Variants in NEGR1 observed in about 807,000 individuals in gnomAD.
The protein encoded by NEGR1 is IgLON family member 4.
NEGR1 carries 10 observed loss-of-function variants against 40.9 expected under a neutral mutation model. The ratio of observed to expected loss-of-function variants is 0.24; its 90% confidence interval spans 0.15 to 0.42. NEGR1 has a LOEUF of 0.42. Ranked by LOEUF, NEGR1 falls within the 10% of genes least tolerant of loss-of-function variation. NEGR1 has a pLI of 1.00. For synonymous variants in NEGR1, 185 were observed against 166.8 expected, an observed-to-expected ratio of 1.11 and a Z score of -0.84; for missense variants, 352 against 438.9, an observed-to-expected ratio of 0.80 and a Z score of 1.77.
intron 1 of NEGR1, among the ~76,000 whole-genome samples, chr1:72,031,957 G>C (rs1341374328): frequency 6.6e-6 from 1 of 152,158 alleles, no homozygotes; most frequent in East Asian, 1.9e-4. Flanking sequence ...AATCTCCACA[G>C]CCTAGTGAGG....
At chr1:72,123,369 A>G (rs1183832840) in intron 1 of NEGR1, among the ~76,000 whole-genome samples, 1 of 151,888 alleles carries the variant, frequency 6.6e-6, no homozygotes, top group African/African-American at 2.4e-5. Context: ...TCCCTGTAGG[A>G]GCACATGAGC....
chr1:71,871,299 T>C (rs1448979382), intron 2 of NEGR1, among the ~76,000 whole-genome samples: 1 of 152,158 alleles, frequency 6.6e-6, no homozygotes, highest in Non-Finnish European at 1.5e-5. Flanking sequence ...TTTTGGAAAG[T>C]CTCATCTCTG....
At chr1:72,103,056 CT>C (rs1441619727) in intron 1 of NEGR1, among the ~76,000 whole-genome samples, 1 of 152,024 alleles carries the variant, frequency 6.6e-6, no homozygotes, top group Non-Finnish European at 1.5e-5. Flanking sequence ...ATTTGTCACT[CT>C]GTTTTTATTT....
chr1:71,947,536 A>T (rs1646032459), intron 1 of NEGR1, among the ~76,000 whole-genome samples: 1 of 152,204 alleles, frequency 6.6e-6, no homozygotes, highest in East Asian at 1.9e-4. Context: ...CTGTAGATGT[A>T]TAGAAAGCAA....
At chr1:71,461,983 C>T (rs1263457703) in intron 6 of NEGR1, among the ~76,000 whole-genome samples, 1 of 152,136 alleles carries the variant, frequency 6.6e-6, no homozygotes, top group African/African-American at 2.4e-5. Context: ...GAGTGGGATT[C>T]GAACCCTGCT....
chr1:71,839,684 G>A (rs887267597), intron 2 of NEGR1, among the ~76,000 whole-genome samples: 1 of 152,136 alleles, frequency 6.6e-6, no homozygotes, highest in Non-Finnish European at 1.5e-5. Flanking sequence ...CATTTGCAGA[G>A]TTGGGCATAT....
intron 1 of NEGR1, among the ~76,000 whole-genome samples, chr1:72,094,750 T>C (rs1648633005): frequency 6.6e-6 from 1 of 152,138 alleles, no homozygotes; most frequent in Non-Finnish European, 1.5e-5. Context: ...TTTTAGAAAA[T>C]AAAGTTCTCC....
chr1:72,243,792 C>T (rs1654821945), intron 1 of NEGR1, among the ~76,000 whole-genome samples: 1 of 151,768 alleles, frequency 6.6e-6, no homozygotes, highest in South Asian at 2.1e-4. Flanking sequence ...ATATGCATTA[C>T]CTATAGTGCC....
chr1:71,561,267 C>A (rs1648448455), intron 6 of NEGR1, among the ~76,000 whole-genome samples: 1 of 151,652 alleles, frequency 6.6e-6, no homozygotes, highest in Non-Finnish European at 1.5e-5. Flanking sequence ...TTTGATTTAA[C>A]ACTCAAATTT....
At chr1:71,651,779 A>G (rs1368086510) in intron 4 of NEGR1, among the ~76,000 whole-genome samples, 1 of 152,144 alleles carries the variant, frequency 6.6e-6, no homozygotes, top group Non-Finnish European at 1.5e-5. Context: ...AGCAGCAGCT[A>G]ATATCAACTA....
chr1:71,482,945 A>G (rs185614758), intron 6 of NEGR1, among the ~76,000 whole-genome samples: 2 of 151,936 alleles, frequency 1.3e-5, no homozygotes, highest in Admixed American at 1.3e-4. Context: ...ATTATTCTAT[A>G]TAAGTGAGAT....
intron 6 of NEGR1, among the ~76,000 whole-genome samples, chr1:71,578,432 G>A (rs1649030440): frequency 6.6e-6 from 1 of 152,022 alleles, no homozygotes; most frequent in African/African-American, 2.4e-5. Context: ...CTATCTTTAT[G>A]GGGTGATTTC....
intron 6 of NEGR1, among the ~76,000 whole-genome samples, chr1:71,524,353 T>TGTGTGA (rs1553148001): frequency 6.7e-6 from 1 of 149,498 alleles, no homozygotes; most frequent in African/African-American, 2.5e-5. Flanking sequence ...TGTGTGTGTG[T>TGTGTGA]GTGATATCAA....
intron 3 of NEGR1, among the ~76,000 whole-genome samples, chr1:71,737,735 T>C (rs1042373495): frequency 2.0e-5 from 3 of 152,186 alleles, no homozygotes; most frequent in Non-Finnish European, 2.9e-5. Flanking sequence ...TCAGTCTTTG[T>C]TCTTACAGGC....
At chr1:71,984,680 T>G (rs2100345393) in intron 1 of NEGR1, among the ~76,000 whole-genome samples, 1 of 152,232 alleles carries the variant, frequency 6.6e-6, no homozygotes, top group South Asian at 2.1e-4. Context: ...TTTTTAAAAT[T>G]TGTGTAAAAT....
At chr1:71,565,211 G>A (rs1271170930) in intron 6 of NEGR1, among the ~76,000 whole-genome samples, 4 of 152,084 alleles carry the variant, frequency 2.6e-5, no homozygotes, top group Non-Finnish European at 5.9e-5. Context: ...AAACAGGGTT[G>A]GATCAGATTC....
chr1:71,983,942 G>GAAATAACTT (rs1646374861), intron 1 of NEGR1, among the ~76,000 whole-genome samples: 91 of 121,226 alleles, frequency 7.5e-4, no homozygotes, highest in Middle Eastern at 5.2e-3. Flanking sequence ...TCATGAAATT[G>GAAATAACTT]TTCTACCAGT....
At chr1:71,667,618 T>A (rs1652286577) in intron 4 of NEGR1, among the ~76,000 whole-genome samples, 1 of 152,182 alleles carries the variant, frequency 6.6e-6, no homozygotes, top group Non-Finnish European at 1.5e-5. Context: ...ATAATTTTGT[T>A]CAAGGCAAAG....
intron 6 of NEGR1, among the ~76,000 whole-genome samples, chr1:71,528,008 G>C (rs1647243235): frequency 6.6e-6 from 1 of 151,290 alleles, no homozygotes; most frequent in Non-Finnish European, 1.5e-5. Flanking sequence ...GCTTTTGTCA[G>C]GAAACTAACT....
Sources: allele counts gnomAD v4.1 joint callset (sites outside exome capture counted in the v4.1 genomes callset), GRCh38; gene constraint gnomAD v4.1.1; transcripts MANE v1.5; gene names NCBI Gene and HGNC (gene_info 2026-07-23, HGNC 2026-07-21).